AGPAT3: variants seen among roughly 807,000 people sequenced by gnomAD.
AGPAT3 encodes 1-acyl-sn-glycerol-3-phosphate acyltransferase gamma.
In AGPAT3, 5 loss-of-function variants were observed where a neutral mutation model predicts 47.3. That is an observed-to-expected ratio of 0.11 (90% CI 0.06 to 0.22). The LOEUF (loss-of-function observed/expected upper bound fraction) is 0.22, where lower values mean the gene tolerates loss of function less well. Ranked by LOEUF, AGPAT3 falls within the 10% of genes least tolerant of loss-of-function variation. AGPAT3 has a pLI of 1.00. For missense variants in AGPAT3, 315 were observed against 493.0 expected, an observed-to-expected ratio of 0.64 and a Z score of 3.42; for synonymous variants, 212 against 208.3, an observed-to-expected ratio of 1.02 and a Z score of -0.15.
In AGPAT3 at chr21:43,986,004, C is replaced by G. The variant is rs1336851188; in HGVS notation, c.*3612C>G. On this transcript the variant is annotated 3_prime_UTR_variant, in exon 10 of 10. Transcript: ENST00000291572. ...AAACCAAAGGCAAGCCCCCTCGGGC[C>G]TCGGGGGATGGGGCCGGCCACACCC... is the stretch of plus-strand genomic sequence containing the variant. 1 of 152,318 alleles carries G rather than the reference C, an allele frequency of 6.6e-6. No individual in the cohort carries two copies. The highest frequency in any genetic ancestry group is 1.5e-5 in the Non-Finnish European group (1 of 68,104). The allele number at this position is 152,318 out of a possible 1,614,324, so 9.4% of individuals were successfully genotyped here.
Position 43,955,371 on chromosome 21 carries a change from C to T in AGPAT3, c.-48-4263C>T, listed in dbSNP as rs758578944. 7.8e-4 allele frequency: 303 copies of T among 387,706 alleles called. No individual in the cohort carries two copies. The highest frequency in any genetic ancestry group is 1.0e-3 in the Non-Finnish European group (261 of 255,456). The allele number at this position is 387,706 out of a possible 1,614,324, so 24.0% of individuals were successfully genotyped here. A position where few individuals can be genotyped will look rare whatever the true frequency, so the allele number is the denominator to read the frequency against. On this transcript the variant is annotated intron_variant, in intron 2 of 9. Transcript: ENST00000291572. The surrounding 1 kb of genome is among the most constrained non-coding windows in gnomAD (Gnocchi z 4.1). ...CGGCTTAGCTTGTCAACACCCATAA[C>T]GCTATGCACGGACACTCGGCAAACC...
At chr21:43,979,298 C>CAAAAAAAAAAAAAAA (rs540542305) in intron 8 of AGPAT3, among the ~76,000 whole-genome samples, 1 of 57,648 alleles carries the variant, frequency 1.7e-5, no homozygotes, top group Non-Finnish European at 3.3e-5. Flanking sequence ...GACTCCAACT[C>CAAAAAAAAAAAAAAA]AAAAAAAAAA....
At chr21:43,897,516 C>T (rs1182132247) in intron 1 of AGPAT3, among the ~76,000 whole-genome samples, 6 of 151,770 alleles carry the variant, frequency 4.0e-5, no homozygotes, top group African/African-American at 9.7e-5. Flanking sequence ...CCAGACAGGG[C>T]GGCCGGGCAG....
intron 1 of AGPAT3, among the ~76,000 whole-genome samples, chr21:43,878,938 A>C (rs935074115): frequency 1.6e-4 from 25 of 152,038 alleles, no homozygotes; most frequent in Non-Finnish European, 3.1e-4. Context: ...ATGAGGTTTC[A>C]CCATATTGGC....
intron 7 of AGPAT3, among the ~76,000 whole-genome samples, chr21:43,972,677 T>C (rs974615780): frequency 1.3e-5 from 2 of 152,208 alleles, no homozygotes; most frequent in Non-Finnish European, 2.9e-5. Context: ...TCTCCAAGCT[T>C]CTCTGGCTCA....
chr21:43,935,710 ATT>A (rs758192975), intron 2 of AGPAT3, among the ~76,000 whole-genome samples: 1 of 147,878 alleles, frequency 6.8e-6, no homozygotes, highest in Non-Finnish European at 1.5e-5. Context: ...CCAGGAAGGG[ATT>A]TTTTTTTTTC....
In AGPAT3 at chr21:43,978,204, G is replaced by A. The variant is rs114513677; in HGVS notation, c.843+83G>A. The A allele has an allele frequency of 6.9e-4, 815 of 1,182,296 alleles. 5 individuals are homozygous for A. The African/African-American group carries it at 0.011, about 16-fold the overall frequency. The allele number at this position is 1,182,296 out of a possible 1,614,324, so 73.2% of individuals were successfully genotyped here. ...GTGCTGGCGAGCAGGCAGGTGACACGTGGGAACTCCGTGGGAGACAGGAGT... is the reference window on the plus strand; with the variant it reads ...GTGCTGGCGAGCAGGCAGGTGACACATGGGAACTCCGTGGGAGACAGGAGT... On this transcript the variant is annotated intron_variant, in intron 8 of 9. Transcript: ENST00000291572.
chr21:43,959,022 G>A, intron 2 of AGPAT3, among the ~76,000 whole-genome samples: 1 of 137,014 alleles, frequency 7.3e-6, no homozygotes, highest in South Asian at 2.4e-4. Flanking sequence ...GTGGTTTGCA[G>A]TGTGGTGTGT....
rs1474874520 is a variant in AGPAT3 at position 43,933,011 on chromosome 21, T to C, written c.-48-26623T>C. On this transcript the variant is annotated intron_variant, in intron 2 of 9. Transcript: ENST00000291572. This position sits in a 1 kb window ranked among gnomAD's most constrained non-coding sequence, Gnocchi z 6.0. ...ATGGTTTGTGTAGTGGCCACACTGA[T>C]TGACGCTCTCTCTCCCTCACAGCGT... Among the ~76,000 whole-genome samples, 1 of 152,222 alleles carries C rather than the reference T, an allele frequency of 6.6e-6. No homozygotes were observed. The highest frequency in any genetic ancestry group is 6.5e-5 in the Admixed American group (1 of 15,274).
chr21:43,982,248 A>G lies in AGPAT3; in HGVS notation c.1043-56A>G. 2 of 1,402,374 alleles carry G rather than the reference A, an allele frequency of 1.4e-6. No homozygotes were observed. The highest frequency in any genetic ancestry group is 2.0e-6 in the Non-Finnish European group (2 of 996,318). 86.9% of individuals were successfully genotyped at this position (1,402,374 alleles called of 1,614,324 possible). A position where few individuals can be genotyped will look rare whatever the true frequency, so the allele number is the denominator to read the frequency against. On this transcript the variant is annotated intron_variant, in intron 9 of 9. Transcript: ENST00000291572. The surrounding 1 kb of genome is among the most constrained non-coding windows in gnomAD (Gnocchi z 6.2). ...AGGAAGCCCCAGTAACACGTTTTAC[A>G]GCAAAAAGGCAAAGTCATCCGTCTC...
chr21:43,873,343 G>A (rs542922894), intron 1 of AGPAT3, among the ~76,000 whole-genome samples: 7 of 152,336 alleles, frequency 4.6e-5, no homozygotes, highest in East Asian at 1.9e-4. Flanking sequence ...GGAGTGAGCC[G>A]CAGAAGTGTA....
At chr21:43,926,548 C>A (rs563805865) in intron 2 of AGPAT3, among the ~76,000 whole-genome samples, 5 of 151,792 alleles carry the variant, frequency 3.3e-5, no homozygotes, top group Non-Finnish European at 7.4e-5. Flanking sequence ...CCAGCCCCCA[C>A]GGCGCGTTCC....
chr21:43,876,883 A>G (rs750092391), intron 1 of AGPAT3, among the ~76,000 whole-genome samples: 4 of 151,820 alleles, frequency 2.6e-5, no homozygotes, highest in Non-Finnish European at 4.4e-5. Context: ...TTTTGAGACA[A>G]AGTCTCACTC....
rs1162206226 is a variant in AGPAT3, at chr21:43,985,395, T to A, written c.*3003T>A. ...CAACAATGTAAGCAGCACTTTCTTGTGTAAAAAAAAAAAAAAAGCACGTCC... is the reference window on the plus strand; with the variant it reads ...CAACAATGTAAGCAGCACTTTCTTGAGTAAAAAAAAAAAAAAAGCACGTCC... On this transcript the variant is annotated 3_prime_UTR_variant, in exon 10 of 10. Coordinates refer to ENST00000291572, the MANE Select transcript of AGPAT3 (RefSeq NM_020132.5). The A allele has an allele frequency of 1.3e-5, 4 of 298,992 alleles. No individual in the cohort carries two copies. Among genetic ancestry groups the A allele is most frequent in the Non-Finnish European group, 2.6e-5 (4 of 153,372 alleles). 18.5% of individuals were successfully genotyped at this position (298,992 alleles called of 1,614,324 possible).
At chr21:43,941,746 C>T (rs1380228569) in intron 2 of AGPAT3, among the ~76,000 whole-genome samples, 2 of 152,226 alleles carry the variant, frequency 1.3e-5, no homozygotes, top group African/African-American at 2.4e-5. Context: ...CCCCAGCGAG[C>T]GGGCGACTCT....
chr21:43,934,902 T>C lies in AGPAT3; in HGVS notation c.-48-24732T>C, dbSNP rs1416966589. On this transcript the variant is annotated intron_variant, in intron 2 of 9. Coordinates refer to ENST00000291572, the MANE Select transcript of AGPAT3 (RefSeq NM_020132.5). The surrounding 1 kb of genome is among the most constrained non-coding windows in gnomAD (Gnocchi z 4.7). ...ACCCACGCCACTCACATGCCACCCA[T>C]GCCACCCACACCACCTCTGCCCCTC... Among the ~76,000 whole-genome samples the C allele has an allele frequency of 6.8e-6, 1 of 146,452 alleles. No individual in the cohort carries two copies. The highest frequency in any genetic ancestry group is 1.5e-5 in the Non-Finnish European group (1 of 66,868).
chr21:43,948,610 G>A (rs4818872), intron 2 of AGPAT3, among the ~76,000 whole-genome samples: 150,957 of 152,344 alleles, frequency 0.99, 74,856 homozygotes, highest in Middle Eastern at 1. Context: ...TGCAAAAGGC[G>A]GGGTTCTGTT....
intron 1 of AGPAT3, among the ~76,000 whole-genome samples, chr21:43,871,220 A>G (rs887495247): frequency 6.6e-6 from 1 of 151,590 alleles, no homozygotes; most frequent in Non-Finnish European, 1.5e-5. Flanking sequence ...AGAGAGGGGG[A>G]AAAATCCCAA....
At chr21:43,976,265 C>T (rs2089618292) in intron 7 of AGPAT3, among the ~76,000 whole-genome samples, 1 of 151,982 alleles carries the variant, frequency 6.6e-6, no homozygotes, top group Non-Finnish European at 1.5e-5. Context: ...TGGGGTTTCA[C>T]CATGTTGGTC....
Sources: gnomAD v4.1 joint callset for allele counts (sites outside exome capture counted in the v4.1 genomes callset) on GRCh38, gnomAD v4.1.1 for gene constraint, Gnocchi (gnomAD v3.1) non-coding constraint, MANE v1.5 for transcripts, NCBI Gene and HGNC (gene_info 2026-07-23, HGNC 2026-07-21) for gene names.